Variants in MGA observed in about 807,000 individuals in gnomAD.
MGA encodes the protein MAX gene-associated protein.
A neutral mutation model predicts 261.1 loss-of-function variants in MGA; 40 were observed. That is an observed-to-expected ratio of 0.15 (90% CI 0.12 to 0.20). MGA has a LOEUF of 0.20. Among genes scored for constraint, MGA ranks in the 10% least tolerant of loss-of-function variants. MGA has a pLI of 1.00. For missense variants in MGA, 3,397 were observed against 3,630.5 expected (o/e 0.94, Z 1.65); for synonymous variants, 1,302 against 1,290.6 (o/e 1.01, Z -0.19).
intron 2 of MGA, among the ~76,000 whole-genome samples, chr15:41,690,718 AT>A (rs2059232228): frequency 6.6e-6 from 1 of 152,160 alleles, no homozygotes; most frequent in African/African-American, 2.4e-5. Context: ...CTACAAAAAA[AT>A]AAAAATAATA....
At chr15:41,674,145 G>A (rs1315240519) in intron 2 of MGA, among the ~76,000 whole-genome samples, 1 of 152,130 alleles carries the variant, frequency 6.6e-6, no homozygotes, top group Non-Finnish European at 1.5e-5. Context: ...ACCTACCTCA[G>A]CTTCCCAAGT....
In MGA at chr15:41,736,240, C is replaced by G. The variant is rs1192209947; in HGVS notation, c.3976C>G (p.Gln1326Glu). The G allele has an allele frequency of 1.9e-6, 3 of 1,613,608 alleles. No individual in the cohort carries two copies. In the East Asian group the frequency reaches 6.7e-5, roughly 36 times the overall value. Residue 1326 changes from glutamine (Q) to glutamate (E), a missense_variant, in exon 13 of 24, where the codon CAG becomes GAG. Gln to Glu is a conservative substitution (Grantham distance 29). This residue lies in a region of MGA where 1,410 missense variants were observed against 1,386.4 expected (regional missense o/e 1.02). Transcript: ENST00000219905. The stretch of plus-strand genomic sequence containing the variant: ...ATCCTCTTCTACTTCTTATATGCAT[C>G]AGAGGTCACCTGGTGGTCCCACCAA...
chr15:41,685,310 GATTT>G (rs1453616518), intron 2 of MGA, among the ~76,000 whole-genome samples: 1 of 152,108 alleles, frequency 6.6e-6, no homozygotes, highest in African/African-American at 2.4e-5. Flanking sequence ...CTGTTTCATT[GATTT>G]ATTTGTCTAT....
intron 9 of MGA, among the ~76,000 whole-genome samples, chr15:41,713,803 C>A (rs1207501923): frequency 6.6e-6 from 1 of 152,076 alleles, no homozygotes; most frequent in East Asian, 1.9e-4. Context: ...CGCATGTGCA[C>A]ACACACACAG....
intron 21 of MGA, 38 bp from the exon 22 acceptor site, chr15:41,762,091 T>C (rs1278509733): frequency 2.7e-6 from 4 of 1,489,034 alleles, no homozygotes; most frequent in Middle Eastern, 1.8e-4. Context: ...TTATGTGGCG[T>C]AATGCTGAAA....
At chr15:41,703,527 A>G (rs1459626367) in intron 5 of MGA, among the ~76,000 whole-genome samples, 1 of 152,064 alleles carries the variant, frequency 6.6e-6, no homozygotes, top group Non-Finnish European at 1.5e-5. Context: ...TGCACCAGAG[A>G]TTTATCTATT....
intron 1 of MGA, among the ~76,000 whole-genome samples, chr15:41,641,574 C>T (rs1219604669): frequency 6.8e-6 from 1 of 146,974 alleles, no homozygotes; most frequent in Non-Finnish European, 1.5e-5. Flanking sequence ...ACTGCAACCT[C>T]TGCTTCCTGG....
chr15:41,724,669 A>G (rs1350990647), intron 9 of MGA, among the ~76,000 whole-genome samples: 1 of 152,178 alleles, frequency 6.6e-6, no homozygotes, highest in African/African-American at 2.4e-5. Context: ...TGGGTGACAG[A>G]GTCTCAAATT....
In MGA at chr15:41,742,741, C is replaced by T. The variant is rs1225368075; in HGVS notation, c.4781C>T (p.Thr1594Ile). The change falls in exon 15 of 24, where the codon ACT becomes ATT. Residue 1594 changes from threonine to isoleucine, a missense_variant. Transcript: ENST00000219905. ...CCAGTTCAGGTGTGCAGCCCTGTGA[C>T]TGCTGCTGTCACTACTACCACCCCT... 1.2e-6 allele frequency: 2 copies of T among 1,613,976 alleles called. No homozygotes were observed. Among genetic ancestry groups the T allele is most frequent in the East Asian group, 2.2e-5 (1 of 44,890 alleles).
At chr15:41,764,475 G>C (rs1231932132) in intron 22 of MGA, among the ~76,000 whole-genome samples, 2 of 152,062 alleles carry the variant, frequency 1.3e-5, no homozygotes, top group Non-Finnish European at 2.9e-5. Flanking sequence ...GGATGGTCTT[G>C]ATCTCCTGAC....
At position 41,626,611 on chromosome 15, in the gene MGA, C is replaced by T. The variant is rs187169961; in HGVS notation, c.-68+5313C>T. Among the ~76,000 whole-genome samples the T allele has an allele frequency of 5.7e-4, 86 of 151,988 alleles. No homozygotes were observed. In the East Asian group the frequency reaches 6.4e-3, roughly 11 times the overall value. On this transcript the variant is annotated intron_variant, in intron 1 of 8. Coordinates refer to the MGA transcript ENST00000566718. ...CTAATTTTTGTATTTTTAGTAGAAA[C>T]GGACTTTCTCCACATTGGTCAGGCT...
At chr15:41,760,559 G>A (rs1285647430) in intron 20 of MGA, 30 bp downstream of exon 20, 1 of 1,599,766 alleles carries the variant, frequency 6.3e-7, no homozygotes, top group Non-Finnish European at 8.6e-7. Flanking sequence ...GACAGTAAGA[G>A]CTTGACTAAG....
chr15:41,704,113 G>A (rs1316831224), intron 5 of MGA, among the ~76,000 whole-genome samples: 8 of 152,048 alleles, frequency 5.3e-5, no homozygotes, highest in Non-Finnish European at 1.2e-4. Flanking sequence ...ATGTCTGGCC[G>A]GTTTTAATGT....
intron 13 of MGA, among the ~76,000 whole-genome samples, chr15:41,739,256 A>G (rs1042924900): frequency 8.5e-5 from 13 of 152,148 alleles, no homozygotes; most frequent in Non-Finnish European, 1.8e-4. Context: ...TCTTCTGACT[A>G]TTTAGTTAAT....
chr15:41,751,069 CT>C (rs2062804208), intron 17 of MGA: 1 of 153,270 alleles, frequency 6.5e-6, no homozygotes, highest in Non-Finnish European at 1.5e-5. Flanking sequence ...TGGAGAAAAA[CT>C]GGAAAATACC....
intron 1 of MGA, among the ~76,000 whole-genome samples, chr15:41,625,791 A>G (rs2056435899): frequency 6.6e-6 from 1 of 152,214 alleles, no homozygotes; most frequent in African/African-American, 2.4e-5. Flanking sequence ...TAAACATGAT[A>G]TAGATCTCTA....
At chr15:41,634,670 ATTGT>A (rs1390676284) in intron 1 of MGA, among the ~76,000 whole-genome samples, 1 of 152,014 alleles carries the variant, frequency 6.6e-6, no homozygotes, top group Non-Finnish European at 1.5e-5. Context: ...GGGTATGAAG[ATTGT>A]TTGGTGAGAT....
chr15:41,701,921 G>A (rs564796857), intron 5 of MGA, among the ~76,000 whole-genome samples: 3 of 152,032 alleles, frequency 2.0e-5, no homozygotes, highest in African/African-American at 4.8e-5. Context: ...TCTGTAATCT[G>A]TCTGGTACTT....
chr15:41,727,507 G>T, intron 10 of MGA, 101 bp downstream of exon 10: 1 of 1,114,774 alleles, frequency 9.0e-7, no homozygotes, highest in East Asian at 2.4e-5. Flanking sequence ...GAATCATTTT[G>T]CTTTCAGTAA....
Sources: gnomAD v4.1 joint callset for allele counts (sites outside exome capture counted in the v4.1 genomes callset) on GRCh38, gnomAD v4.1.1 for gene constraint, gnomAD v4.1.1 regional missense constraint, MANE v1.5 for transcripts, NCBI Gene and HGNC (gene_info 2026-07-23, HGNC 2026-07-21) for gene names.